KLHDC4: variants seen among roughly 807,000 people sequenced by gnomAD.
The protein encoded by KLHDC4 is kelch domain-containing protein 4.
KLHDC4 carries 90 observed loss-of-function variants against 62.4 expected under a neutral mutation model. The ratio of observed to expected loss-of-function variants is 1.44; its 90% CI spans 1.22 to 1.72. KLHDC4 has a LOEUF of 1.72. KLHDC4 is among the 40% of genes most tolerant of loss of function. The pLI, the probability that KLHDC4 is intolerant of heterozygous loss-of-function variation, is 0.00. For missense variants in KLHDC4, 1,025 were observed against 699.7 expected (o/e 1.47, Z -5.25); for synonymous variants, 386 against 284.4 (o/e 1.36, Z -3.59).
chr16:87,724,866 A>G (rs2039063142), intron 7 of KLHDC4, among the ~76,000 whole-genome samples: 1 of 152,160 alleles, frequency 6.6e-6, no homozygotes. Context: ...ACACGCAGCC[A>G]CTCAAAAGAT....
chr16:87,704,169 C>T (rs896362725), downstream of KLHDC4, among the ~76,000 whole-genome samples: 1 of 152,278 alleles, frequency 6.6e-6, no homozygotes. Context: ...CTCACTCCAA[C>T]ACCCGAGTGC....
At chr16:87,758,385 A>G (rs1452800029) in intron 2 of KLHDC4, among the ~76,000 whole-genome samples, 2 of 152,228 alleles carry the variant, frequency 1.3e-5, no homozygotes, top group South Asian at 2.1e-4. Flanking sequence ...AAGAAGAAAT[A>G]AAGTTCTCAC....
chr16:87,703,853 T>C (rs1049933877), downstream of KLHDC4, among the ~76,000 whole-genome samples: 10 of 152,196 alleles, frequency 6.6e-5, no homozygotes, highest in East Asian at 1.9e-4. Context: ...CCAGATGGCA[T>C]TGCTGCAGCT....
intron 7 of KLHDC4, among the ~76,000 whole-genome samples, chr16:87,718,994 G>A (rs960473682): frequency 8.6e-5 from 13 of 151,226 alleles, no homozygotes; most frequent in African/African-American, 2.7e-4. Flanking sequence ...CCCGGCAGCC[G>A]CCCCCTCCGG....
chr16:87,709,649 T>A lies in KLHDC4; in HGVS notation c.1063A>T (p.Lys355Ter), dbSNP rs1567652597. ...TCTTTTCTGCCCCGCCTGCGTTTCT[T>A]CTTTTCAGACTTGGGTCCCTATTAA... ...GQLKGPKSEK[K>*]KRRRGRKEEP... is the part of the protein sequence containing the mutation. The change falls in exon 10 of 12, where the codon AAG (lysine) becomes TAG (stop). Residue 355 changes from lysine (K) to a stop codon, truncating the protein, a stop_gained. Coordinates refer to ENST00000270583, the MANE Select transcript of KLHDC4 (RefSeq NM_017566.4). LOFTEE classifies it high-confidence loss of function. 2 of 1,602,416 alleles carry A rather than the reference T, an allele frequency of 1.2e-6. No individual in the cohort carries two copies. Among genetic ancestry groups the A allele is most frequent in the African/African-American group, 2.7e-5 (2 of 74,702 alleles).
chr16:87,724,964 C>T (rs960126223), intron 7 of KLHDC4, among the ~76,000 whole-genome samples: 5 of 152,154 alleles, frequency 3.3e-5, no homozygotes, highest in Admixed American at 6.5e-5. Flanking sequence ...AGGTGTCCAA[C>T]GAAAAACAGA....
chr16:87,747,969 G>T (rs2043289789), intron 5 of KLHDC4, among the ~76,000 whole-genome samples: 1 of 152,218 alleles, frequency 6.6e-6, no homozygotes, highest in Non-Finnish European at 1.5e-5. Flanking sequence ...CGTAATGGTG[G>T]GTCATGGCCG....
At chr16:87,698,176 G>A (rs1042833831) in exon 1 of KLHDC4, 6 of 152,444 alleles carry the variant, frequency 3.9e-5, no homozygotes, top group African/African-American at 7.2e-5. Flanking sequence ...ATTGTTTTCC[G>A]TTACATGTTC....
intron 7 of KLHDC4, among the ~76,000 whole-genome samples, chr16:87,721,944 G>A (rs1404407865): frequency 1.3e-5 from 2 of 151,972 alleles, no homozygotes. Flanking sequence ...CCACCGTCGC[G>A]CCCCCACCCT....
chr16:87,750,125 G>A (rs1292076521), intron 4 of KLHDC4: 1 of 152,246 alleles, frequency 6.6e-6, no homozygotes, highest in African/African-American at 2.4e-5. Flanking sequence ...GCGGGAGGCA[G>A]AGTCTTTAGG....
intron 5 of KLHDC4, among the ~76,000 whole-genome samples, chr16:87,742,399 C>T (rs1456913559): frequency 6.6e-6 from 1 of 152,178 alleles, no homozygotes; most frequent in Non-Finnish European, 1.5e-5. Flanking sequence ...ACCTACACTA[C>T]TTTCATTATT....
chr16:87,763,874 G>A (rs2046233344), intron 1 of KLHDC4, among the ~76,000 whole-genome samples: 1 of 152,184 alleles, frequency 6.6e-6, no homozygotes, highest in Non-Finnish European at 1.5e-5. Context: ...TAAGCTGAAT[G>A]CTGAAAAGAC....
chr16:87,753,212 T>G (rs927407059), intron 4 of KLHDC4, among the ~76,000 whole-genome samples: 1 of 152,210 alleles, frequency 6.6e-6, no homozygotes, highest in African/African-American at 2.4e-5. Flanking sequence ...CTGGAGTCTC[T>G]GTACACTAAA....
At chr16:87,707,478 G>A (rs2034889149), downstream of KLHDC4, among the ~76,000 whole-genome samples, 2 of 152,148 alleles carry the variant, frequency 1.3e-5, no homozygotes, top group Non-Finnish European at 2.9e-5. Context: ...CCCGTGTGCA[G>A]CCAGCCAGCG....
chr16:87,700,259 A>C (rs574359888), exon 1 of KLHDC4: 1 of 154,942 alleles, frequency 6.5e-6, no homozygotes, highest in South Asian at 2.0e-4. Flanking sequence ...TGGAAACTTG[A>C]CATCAAGGTG....
At chr16:87,737,527 G>A (rs1241819843) in intron 5 of KLHDC4, among the ~76,000 whole-genome samples, 1 of 151,794 alleles carries the variant, frequency 6.6e-6, no homozygotes, top group East Asian at 1.9e-4. Flanking sequence ...GGCGGAGGTT[G>A]CCGTGAGCCG....
intron 1 of KLHDC4, among the ~76,000 whole-genome samples, chr16:87,764,365 C>T (rs1280945175): frequency 6.6e-6 from 1 of 151,978 alleles, no homozygotes; most frequent in Admixed American, 6.6e-5. Flanking sequence ...TGACAGGTAA[C>T]TGGCGGGGCA....
chr16:87,715,719 G>A (rs988203504), intron 7 of KLHDC4, among the ~76,000 whole-genome samples: 1 of 152,136 alleles, frequency 6.6e-6, no homozygotes, highest in African/African-American at 2.4e-5. Flanking sequence ...TCCCATCAAG[G>A]GTCCACACCA....
chr16:87,730,677 C>T, intron 5 of KLHDC4, 33 bp from the exon 6 acceptor site: 6 of 1,566,090 alleles, frequency 3.8e-6, no homozygotes, highest in Non-Finnish European at 5.2e-6. Context: ...ACACTATCAA[C>T]CTGCTTAATT....
Sources: gnomAD v4.1 joint callset for allele counts (sites outside exome capture counted in the v4.1 genomes callset) on GRCh38, gnomAD v4.1.1 for gene constraint, MANE v1.5 for transcripts, NCBI Gene and HGNC (gene_info 2026-07-23, HGNC 2026-07-21) for gene names.